Variants in SCRG1 observed in about 807,000 individuals in gnomAD.
SCRG1 encodes the protein scrapie-responsive protein 1.
A neutral mutation model predicts 7.7 loss-of-function variants in SCRG1; 3 were observed. That is an observed-to-expected ratio of 0.39 (90% CI 0.18 to 1.01). The LOEUF is 1.01. SCRG1 is among the 50% of genes least tolerant of loss of function. SCRG1 has a pLI of 0.36. For missense variants in SCRG1, 110 were observed against 117.2 expected, an observed-to-expected ratio of 0.94 and a Z score of 0.28; for synonymous variants, 46 against 41.2, an observed-to-expected ratio of 1.12 and a Z score of -0.44.
At chr4:173,432,293 TCCTC>T in the SCRG1 span, among the ~76,000 whole-genome samples, 9 of 132,152 alleles carry the variant, frequency 6.8e-5, no homozygotes, top group Middle Eastern at 4.8e-3. Flanking sequence ...CTTCCTTCCT[TCCTC>T]CCCCCCTCCC....
the SCRG1 span, among the ~76,000 whole-genome samples, chr4:173,475,440 A>T: frequency 6.6e-6 from 1 of 152,238 alleles, no homozygotes; most frequent in African/African-American, 2.4e-5. Flanking sequence ...ACCCCTGTTA[A>T]AACTTACTGG....
the SCRG1 span, among the ~76,000 whole-genome samples, chr4:173,425,780 G>C: frequency 6.6e-6 from 1 of 152,192 alleles, no homozygotes; most frequent in Non-Finnish European, 1.5e-5. Context: ...CTTGTCTACT[G>C]CATTCTTCTC....
upstream of SCRG1, among the ~76,000 whole-genome samples, chr4:173,411,189 C>T (rs1234392196): frequency 6.6e-6 from 1 of 152,184 alleles, no homozygotes; most frequent in Admixed American, 6.5e-5. Flanking sequence ...GTGCCAGGCA[C>T]CGTTTAAGTA....
At chr4:173,457,439 C>CT in the SCRG1 span, among the ~76,000 whole-genome samples, 2 of 152,034 alleles carry the variant, frequency 1.3e-5, no homozygotes, top group African/African-American at 4.8e-5. Flanking sequence ...AAAAGAAAAG[C>CT]TTTTTTTGTC....
the SCRG1 span, among the ~76,000 whole-genome samples, chr4:173,473,978 G>A: frequency 2.0e-5 from 3 of 152,120 alleles, no homozygotes; most frequent in African/African-American, 7.2e-5. Flanking sequence ...TCAGGAGTTT[G>A]AGACCAGGCT....
At chr4:173,476,354 G>GGAAA in the SCRG1 span, among the ~76,000 whole-genome samples, 3 of 70,182 alleles carry the variant, frequency 4.3e-5, no homozygotes. Flanking sequence ...CTCTGAGGGG[G>GGAAA]AAAAAAAAAA....
the SCRG1 span, among the ~76,000 whole-genome samples, chr4:173,448,467 C>T: frequency 6.6e-6 from 1 of 152,226 alleles, no homozygotes. Flanking sequence ...TAAGTCATTA[C>T]TTCTGTTTTG....
chr4:173,480,581 A>ATG, the SCRG1 span, among the ~76,000 whole-genome samples: 1 of 152,188 alleles, frequency 6.6e-6, no homozygotes, highest in Non-Finnish European at 1.5e-5. Context: ...CTCCATAAGA[A>ATG]TGTGCAATTA....
the SCRG1 span, among the ~76,000 whole-genome samples, chr4:173,413,266 G>A: frequency 5.5e-4 from 84 of 152,336 alleles, no homozygotes; most frequent in Admixed American, 1.2e-3. Flanking sequence ...AGAAGCAGAT[G>A]GCCCACCTAA....
At chr4:173,491,135 G>C in the SCRG1 span, among the ~76,000 whole-genome samples, 2 of 151,944 alleles carry the variant, frequency 1.3e-5, no homozygotes, top group Non-Finnish European at 2.9e-5. Context: ...TGGGATGAGA[G>C]GCACACTTTA....
chr4:173,425,575 A>G, the SCRG1 span, among the ~76,000 whole-genome samples: 2 of 152,092 alleles, frequency 1.3e-5, no homozygotes, highest in Non-Finnish European at 2.9e-5. Context: ...CCAGGCCTAT[A>G]GTTCTTTGTG....
At chr4:173,503,566 T>G in the SCRG1 span, among the ~76,000 whole-genome samples, 1 of 152,070 alleles carries the variant, frequency 6.6e-6, no homozygotes, top group East Asian at 1.9e-4. The surrounding 1 kb of genome is among the most constrained non-coding windows in gnomAD (Gnocchi z 6.4). Flanking sequence ...GGGAGATGGC[T>G]TTTCAAGTTT....
chr4:173,471,152 T>C, the SCRG1 span, among the ~76,000 whole-genome samples: 3 of 152,286 alleles, frequency 2.0e-5, no homozygotes, highest in African/African-American at 4.8e-5. Context: ...AAAGAAACCA[T>C]CTGATTGATT....
chr4:173,501,005 C>T, the SCRG1 span, among the ~76,000 whole-genome samples: 3 of 152,294 alleles, frequency 2.0e-5, no homozygotes, highest in East Asian at 5.8e-4. This position sits in a 1 kb window ranked among gnomAD's most constrained non-coding sequence, Gnocchi z 5.1. Flanking sequence ...GTGGGGAAAC[C>T]CAGAGGCGGG....
At chr4:173,513,542 A>G in the SCRG1 span, among the ~76,000 whole-genome samples, 11 of 152,200 alleles carry the variant, frequency 7.2e-5, no homozygotes, top group African/African-American at 2.4e-4. Context: ...ATTTCTAGGG[A>G]AAGGTCTTGT....
At chr4:173,481,691 T>A in the SCRG1 span, among the ~76,000 whole-genome samples, 1 of 152,188 alleles carries the variant, frequency 6.6e-6, no homozygotes, top group African/African-American at 2.4e-5. Context: ...ACCTTTATGA[T>A]AATCCACTTC....
chr4:173,459,332 A>T, the SCRG1 span, among the ~76,000 whole-genome samples: 2 of 152,228 alleles, frequency 1.3e-5, no homozygotes, highest in Non-Finnish European at 2.9e-5. Context: ...AGCACATGAA[A>T]CATTCTCCAG....
chr4:173,449,372 G>A, the SCRG1 span, among the ~76,000 whole-genome samples: 2 of 151,758 alleles, frequency 1.3e-5, no homozygotes, highest in Non-Finnish European at 2.9e-5. Context: ...GTATGTAAGT[G>A]TGGCTGAAAA....
chr4:173,409,053 A>G (rs553129319), upstream of SCRG1, among the ~76,000 whole-genome samples: 1 of 152,054 alleles, frequency 6.6e-6, no homozygotes, highest in South Asian at 2.1e-4. Flanking sequence ...GTCTAAAGCT[A>G]TCTCAGCAAA....
Sources: gnomAD v4.1 joint callset for allele counts (sites outside exome capture counted in the v4.1 genomes callset) on GRCh38, gnomAD v4.1.1 for gene constraint, Gnocchi (gnomAD v3.1) non-coding constraint, MANE v1.5 for transcripts, NCBI Gene and HGNC (gene_info 2026-07-23, HGNC 2026-07-21) for gene names.